DLG2: variants seen among roughly 807,000 people sequenced by gnomAD.
The protein encoded by DLG2 is discs large MAGUK scaffold protein 2.
Under a neutral mutation model 132.5 loss-of-function variants are expected in DLG2, and 45 were observed. That is an observed-to-expected ratio of 0.34 (90% CI 0.27 to 0.44). The LOEUF is 0.44. Ranked by LOEUF, DLG2 falls within the 20% of genes least tolerant of loss-of-function variation. The pLI is 1.00. For missense variants in DLG2, 1,045 were observed against 1,196.9 expected (o/e 0.87, Z 1.87); for synonymous variants, 424 against 419.6 (o/e 1.01, Z -0.13).
intron 4 of DLG2, among the ~76,000 whole-genome samples, chr11:85,198,648 A>G (rs1323009650): frequency 6.6e-6 from 1 of 152,168 alleles, no homozygotes; most frequent in Non-Finnish European, 1.5e-5. Flanking sequence ...AAAAGGTATC[A>G]TTTTACTACC....
At chr11:84,090,415 A>T (rs1390284430) in intron 10 of DLG2, among the ~76,000 whole-genome samples, 3 of 10,470 alleles carry the variant, frequency 2.9e-4, no homozygotes, top group Non-Finnish European at 1.1e-3. Context: ...ATTTCATCTC[A>T]AAAAAAAAAA....
At chr11:83,706,363 C>T (rs2083997030) in intron 18 of DLG2, among the ~76,000 whole-genome samples, 1 of 152,074 alleles carries the variant, frequency 6.6e-6, no homozygotes, top group Admixed American at 6.6e-5. Flanking sequence ...CTGGAGACAG[C>T]ATATTCCTTT....
chr11:85,353,300 A>G (rs1181005322), intron 3 of DLG2, among the ~76,000 whole-genome samples: 3 of 152,216 alleles, frequency 2.0e-5, no homozygotes, highest in Admixed American at 6.6e-5. Flanking sequence ...ACCATCTCAC[A>G]CCAGTTAGAA....
chr11:84,974,149 T>C (rs76007456), intron 6 of DLG2, among the ~76,000 whole-genome samples: 2,149 of 152,322 alleles, frequency 0.014, 49 homozygotes, highest in African/African-American at 0.048. Flanking sequence ...ACTAGACAGT[T>C]AGAAATGAAA....
chr11:85,233,222 G>C (rs1173496840), intron 4 of DLG2, among the ~76,000 whole-genome samples: 1 of 151,758 alleles, frequency 6.6e-6, no homozygotes, highest in Non-Finnish European at 1.5e-5. Context: ...GTTGAGGTCT[G>C]CGTATTGTTT....
At chr11:83,562,303 T>C (rs1011943224) in intron 19 of DLG2, among the ~76,000 whole-genome samples, 1 of 152,134 alleles carries the variant, frequency 6.6e-6, no homozygotes, top group Non-Finnish European at 1.5e-5. Flanking sequence ...ACACAAGCTT[T>C]ACATTAATTG....
intron 19 of DLG2, among the ~76,000 whole-genome samples, chr11:83,542,376 C>T (rs1222730484): frequency 1.3e-5 from 2 of 152,040 alleles, no homozygotes; most frequent in African/African-American, 2.4e-5. Flanking sequence ...GTGATTCCTC[C>T]ACTCAATGAA....
At chr11:85,383,337 A>AGGGGTCTG (rs1188349629) in intron 3 of DLG2, among the ~76,000 whole-genome samples, 2 of 152,114 alleles carry the variant, frequency 1.3e-5, no homozygotes, top group East Asian at 3.9e-4. Context: ...GTAACTACTA[A>AGGGGTCTG]GGGGTCTGAG....
rs187019046 is a variant in DLG2, at chr11:84,939,126, T to C, written c.357+172535A>G. Among the ~76,000 whole-genome samples the C allele has an allele frequency of 7.9e-5, 12 of 152,242 alleles. No homozygotes were observed. In the South Asian group the frequency reaches 1.9e-3, roughly 24 times the overall value. On this transcript the variant is annotated intron_variant, in intron 6 of 27. Transcript: ENST00000376104. ...TACAAAATTACATGAGAAGTGACCT[T>C]ATACAACTTTGACTAAGTGTCCTTA...
At chr11:84,349,680 GAA>G (rs1174626056) in intron 7 of DLG2, among the ~76,000 whole-genome samples, 1 of 152,068 alleles carries the variant, frequency 6.6e-6, no homozygotes, top group African/African-American at 2.4e-5. Flanking sequence ...CATAAATTCT[GAA>G]CAGTCTTAAC....
intron 9 of DLG2, among the ~76,000 whole-genome samples, chr11:84,134,932 T>G (rs1391300402): frequency 6.6e-6 from 1 of 151,998 alleles, no homozygotes; most frequent in Non-Finnish European, 1.5e-5. Context: ...GCAATGATCA[T>G]TTTGAATGGC....
intron 3 of DLG2, among the ~76,000 whole-genome samples, chr11:85,395,829 G>C (rs903929319): frequency 6.6e-6 from 1 of 152,216 alleles, no homozygotes; most frequent in Non-Finnish European, 1.5e-5. Flanking sequence ...CCACTTCTAA[G>C]GGCAGGGCAT....
chr11:84,643,704 C>A (rs2099670972), intron 6 of DLG2, among the ~76,000 whole-genome samples: 1 of 152,160 alleles, frequency 6.6e-6, no homozygotes, highest in South Asian at 2.1e-4. Flanking sequence ...GACTTCTCTA[C>A]AGAAGAATAG....
At chr11:84,755,846 A>T (rs2066805679) in intron 6 of DLG2, among the ~76,000 whole-genome samples, 1 of 152,234 alleles carries the variant, frequency 6.6e-6, no homozygotes, top group African/African-American at 2.4e-5. Flanking sequence ...GGTCACTTTT[A>T]GTGTGAGAAT....
intron 11 of DLG2, among the ~76,000 whole-genome samples, chr11:83,991,109 A>C (rs2093687186): frequency 6.6e-6 from 1 of 152,188 alleles, no homozygotes; most frequent in Admixed American, 6.5e-5. Context: ...GTTTTATTTT[A>C]ATTTGAGAGA....
At chr11:84,631,973 G>A (rs1258545902) in intron 6 of DLG2, among the ~76,000 whole-genome samples, 1 of 152,126 alleles carries the variant, frequency 6.6e-6, no homozygotes, top group Non-Finnish European at 1.5e-5. Flanking sequence ...AGGATGAGAA[G>A]TCCCTAACAT....
At chr11:83,885,715 A>T (rs1249551404) in intron 15 of DLG2, among the ~76,000 whole-genome samples, 10 of 152,362 alleles carry the variant, frequency 6.6e-5, no homozygotes, top group East Asian at 3.9e-4. Flanking sequence ...CGGGTTACCC[A>T]CAAAGGGAAG....
chr11:84,324,247 G>A (rs1009958120), intron 7 of DLG2, among the ~76,000 whole-genome samples: 1 of 152,046 alleles, frequency 6.6e-6, no homozygotes, highest in Non-Finnish European at 1.5e-5. Flanking sequence ...GGTGGTATAA[G>A]ATAATTTAAT....
intron 21 of DLG2, among the ~76,000 whole-genome samples, chr11:83,491,159 T>G (rs2093821797): frequency 6.8e-6 from 1 of 146,488 alleles, no homozygotes; most frequent in African/African-American, 2.6e-5. Context: ...TTTTTTTTTT[T>G]GTTACTACTT....
Sources: gnomAD v4.1 joint callset for allele counts (sites outside exome capture counted in the v4.1 genomes callset) on GRCh38, gnomAD v4.1.1 for gene constraint, MANE v1.5 for transcripts, NCBI Gene and HGNC (gene_info 2026-07-23, HGNC 2026-07-21) for gene names.